Variants in DNAH10 observed in about 807,000 individuals in gnomAD.
DNAH10 encodes axonemal beta dynein heavy chain 10.
Under a neutral mutation model 506.6 loss-of-function variants are expected in DNAH10, and 348 were observed. The ratio of observed to expected loss-of-function variants is 0.69; its 90% CI spans 0.63 to 0.75. DNAH10 has a LOEUF of 0.75. Among genes scored for constraint, DNAH10 ranks in the 30% least tolerant of loss-of-function variants. The pLI is 0.00. For missense variants in DNAH10, 5,179 were observed against 5,787.1 expected (o/e 0.89, Z 3.41); for synonymous variants, 2,059 against 2,198.6 (o/e 0.94, Z 1.78).
rs1957901359 is a variant in DNAH10, at chr12:123,787,514, C to T, written c.1422-290C>T. The stretch of plus-strand genomic sequence containing the variant: ...TGCAGCTGCCGCTGTTGACCTCTGG[C>T]CTGGGGCCAAGGCCACCTGCCCCTT... On this transcript the variant is annotated intron_variant, in intron 9 of 78. Transcript: ENST00000673944. This position sits in a 1 kb window ranked among gnomAD's most constrained non-coding sequence, Gnocchi z 4.6. 6.6e-6 allele frequency among the ~76,000 whole-genome samples: 1 copy of T among 152,270 alleles called. No individual in the cohort carries two copies. The highest frequency in any genetic ancestry group is 2.1e-4 in the South Asian group (1 of 4,834).
chr12:123,898,029 C>A, intron 55 of DNAH10, 62 bp downstream of exon 55: 1 of 1,428,262 alleles, frequency 7.0e-7, no homozygotes, highest in Non-Finnish European at 9.3e-7. Context: ...AGGATTCGAG[C>A]GCTGATCTTT....
At chr12:123,930,000 C>T in intron 72 of DNAH10, 1 of 595,130 alleles carries the variant, frequency 1.7e-6, no homozygotes, top group Non-Finnish European at 3.0e-6. Flanking sequence ...ATCCTCTAGC[C>T]CCTTGCCTCA....
chr12:123,835,452 T>A lies in DNAH10; in HGVS notation c.4826T>A (p.Phe1609Tyr). ...AAATGGATGTATCTTGAAAGTATTT[T>A]TATTGGTGGAGATATAAGATCACAA... is the stretch of plus-strand genomic sequence containing the variant. ...QRKWMYLESI[F>Y]IGGDIRSQLP... The change falls in exon 28 of 79, where the codon TTT (phenylalanine) becomes TAT (tyrosine). Residue 1609 changes from phenylalanine to tyrosine, a missense_variant. Around this residue, in one of 3 missense-constraint regions of DNAH10, gnomAD observed 4,844 missense variants for 5,430.5 expected, o/e 0.89. Coordinates refer to ENST00000673944, the MANE Select transcript of DNAH10 (RefSeq NM_001372106.1). 1 of 1,609,824 alleles carries A rather than the reference T, an allele frequency of 6.2e-7. No individual in the cohort carries two copies. Among genetic ancestry groups the A allele is most frequent in the Non-Finnish European group, 8.5e-7 (1 of 1,177,768 alleles).
intron 37 of DNAH10, among the ~76,000 whole-genome samples, chr12:123,858,252 A>G (rs1951475768): frequency 1.3e-5 from 2 of 152,142 alleles, no homozygotes; most frequent in Admixed American, 1.3e-4. Context: ...ATATGTTGTC[A>G]TTAAGCCAAA....
intron 13 of DNAH10, 50 bp downstream of exon 13, chr12:123,796,882 T>C (rs755593270): frequency 1.4e-4 from 220 of 1,525,154 alleles, no homozygotes; most frequent in Non-Finnish European, 1.8e-4. Flanking sequence ...ATTTTTTTTT[T>C]TTTTTTGAGA....
In DNAH10 at chr12:123,882,552, G is replaced by A. The variant is rs145983092; in HGVS notation, c.8823+739G>A. On this transcript the variant is annotated intron_variant, in intron 51 of 78. Transcript: ENST00000673944. ...TCATACCAGTAATCCCAGCACTTTG[G>A]GAGGCCAAGGCGGGTGGATCACCTG... Among the ~76,000 whole-genome samples the A allele has an allele frequency of 8.5e-3, 1,286 of 152,088 alleles. 11 individuals carry two copies. The highest frequency in any genetic ancestry group is 0.013 in the Non-Finnish European group (904 of 67,986).
chr12:123,898,902 C>CGAGCAG (rs1953387186), intron 56 of DNAH10, 88 bp downstream of exon 56: 1 of 1,464,750 alleles, frequency 6.8e-7, no homozygotes, highest in African/African-American at 1.4e-5. Context: ...CAGCCCATCC[C>CGAGCAG]GAGCAGGACA....
At chr12:123,864,416 A>G (rs139207226) in intron 39 of DNAH10, among the ~76,000 whole-genome samples, 179 bp from the exon 40 acceptor site, 1,897 of 152,116 alleles carry the variant, frequency 0.012, 22 homozygotes, top group South Asian at 0.022. Context: ...AAGTGCTGGG[A>G]TTACAGTTTT....
At chr12:123,827,075 T>C (rs139286678) in intron 25 of DNAH10, among the ~76,000 whole-genome samples, 177 bp downstream of exon 25, 45 of 152,302 alleles carry the variant, frequency 3.0e-4, no homozygotes, top group East Asian at 1.9e-3. Context: ...AAAGTGTCTG[T>C]AAAACTGTCA....
At chr12:123,879,549 A>G in intron 49 of DNAH10, 85 bp from the exon 50 acceptor site, 1 of 1,554,946 alleles carries the variant, frequency 6.4e-7, no homozygotes, top group Non-Finnish European at 8.7e-7. Context: ...TATTTTAGAT[A>G]ATAGTACGTA....
intron 29 of DNAH10, among the ~76,000 whole-genome samples, chr12:123,840,818 T>C (rs1249592842): frequency 6.6e-6 from 1 of 152,178 alleles, no homozygotes; most frequent in Non-Finnish European, 1.5e-5. Flanking sequence ...TTTAACAACA[T>C]GCCAGCATTT....
chr12:123,884,098 A>G (rs1367250648), intron 51 of DNAH10, among the ~76,000 whole-genome samples: 1 of 151,416 alleles, frequency 6.6e-6, no homozygotes, highest in African/African-American at 2.4e-5. Context: ...CAATGACGTG[A>G]TCTCGGCTCA....
At chr12:123,912,343 G>T (rs1254250461) in intron 59 of DNAH10, among the ~76,000 whole-genome samples, 1 of 39,580 alleles carries the variant, frequency 2.5e-5, no homozygotes. Context: ...CTGTCCTGGG[G>T]GAGTCTGTCC....
intron 37 of DNAH10, among the ~76,000 whole-genome samples, chr12:123,857,547 G>C (rs930844580): frequency 3.9e-5 from 6 of 152,054 alleles, no homozygotes; most frequent in Non-Finnish European, 8.8e-5. Context: ...GGCCAACGTG[G>C]AGAAACCCCA....
At chr12:123,792,451 C>CTTTTTTTTTTTTTTTTTT (rs78654407) in intron 11 of DNAH10, among the ~76,000 whole-genome samples, 4 of 133,466 alleles carry the variant, frequency 3.0e-5, no homozygotes, top group Non-Finnish European at 3.1e-5. Flanking sequence ...TTCCTTTGTC[C>CTTTTTTTTTTTTTTTTTT]TTTTTTTTTT....
At chr12:123,817,209 C>CT (rs1284903253) in intron 21 of DNAH10, among the ~76,000 whole-genome samples, 1,404 of 107,956 alleles carry the variant, frequency 0.013, 13 homozygotes, top group African/African-American at 0.043. Flanking sequence ...TTTTGTTCTT[C>CT]TTTTTTTTTT....
chr12:123,917,163 CTTTCT>C lies in DNAH10; in HGVS notation c.11003-412_11003-408del, dbSNP rs139928238. Among the ~76,000 whole-genome samples the C allele has an allele frequency of 0.32, 48,108 of 151,524 alleles. 7,701 individuals carry two copies. Among genetic ancestry groups the C allele is most frequent in the African/African-American group, 0.34 (14,138 of 41,236 alleles). Reference sequence around the variant, plus strand: ...AATAGGCTAATTTGATTTGGATGTACTTTCTTTTCTTTTTTCTTTTTCTTTTTTTG... The same window carrying C: ...AATAGGCTAATTTGATTTGGATGTACTTTCTTTTTTCTTTTTCTTTTTTTG... On this transcript the variant is annotated intron_variant, in intron 63 of 78. Transcript: ENST00000673944. This position sits in a 1 kb window ranked among gnomAD's most constrained non-coding sequence, Gnocchi z 5.6.
chr12:123,922,309 G>C (rs940907037), intron 65 of DNAH10, among the ~76,000 whole-genome samples: 6 of 152,062 alleles, frequency 3.9e-5, no homozygotes, highest in Admixed American at 6.5e-5. Flanking sequence ...CCGGGAGGCG[G>C]AGGTTGCAGT....
rs1958396739 is a variant in DNAH10, at chr12:123,799,295, A to G, written c.2213A>G (p.Asp738Gly). The stretch of plus-strand genomic sequence containing the variant: ...GGTAGGACAATGAAGGAGTATGAAG[A>G]CAGAAAGTATGAGCAGTGGATGGAG... ...EVGRTMKEYE[D>G]RKYEQWMEVT... is the part of the protein sequence containing the mutation. The change falls in exon 14 of 79, where the codon GAC (aspartate) becomes GGC (glycine). Residue 738 changes from aspartate (D) to glycine (G), a missense_variant. By Grantham distance (94) the Asp-to-Gly change is moderately conservative. Around this residue, in one of 3 missense-constraint regions of DNAH10, gnomAD observed 4,844 missense variants for 5,430.5 expected, o/e 0.89. Coordinates refer to ENST00000673944, the MANE Select transcript of DNAH10 (RefSeq NM_001372106.1). The G allele has an allele frequency of 1.2e-6, 2 of 1,613,826 alleles. No homozygotes were observed. Among genetic ancestry groups the G allele is most frequent in the South Asian group, 2.2e-5 (2 of 91,064 alleles).
Sources: allele counts gnomAD v4.1 joint callset (sites outside exome capture counted in the v4.1 genomes callset), GRCh38; gene constraint gnomAD v4.1.1; regional missense constraint gnomAD v4.1.1; non-coding constraint Gnocchi (gnomAD v3.1); transcripts MANE v1.5; gene names NCBI Gene and HGNC (gene_info 2026-07-23, HGNC 2026-07-21).